Variants in PRLR observed in about 807,000 individuals in gnomAD.
The protein encoded by PRLR is hPRL receptor.
In PRLR, 13 loss-of-function variants were observed where a neutral mutation model predicts 40.2. That is an observed-to-expected ratio of 0.32 (90% CI 0.21 to 0.51). The LOEUF is 0.51. Among genes scored for constraint, PRLR ranks in the 20% least tolerant of loss-of-function variants. The probability of loss-of-function intolerance (pLI) is 0.97; values close to 1 mark genes in which losing one functional copy is unlikely to be tolerated. For missense variants in PRLR, 656 were observed against 747.3 expected (o/e 0.88, Z 1.42); for synonymous variants, 269 against 278.7 (o/e 0.97, Z 0.35).
At chr5:35,067,568 C>T (rs943821324) in intron 9 of PRLR, among the ~76,000 whole-genome samples, 5 of 152,220 alleles carry the variant, frequency 3.3e-5, no homozygotes, top group African/African-American at 7.2e-5. Context: ...CCTTAATGTA[C>T]AGCTAGTTGC....
intron 1 of PRLR, among the ~76,000 whole-genome samples, chr5:35,196,408 G>C (rs988581883): frequency 3.9e-5 from 6 of 152,332 alleles, no homozygotes; most frequent in Admixed American, 2.6e-4. Flanking sequence ...CTGTCAGCCT[G>C]CTCAGAATCT....
chr5:35,066,209 C>T (rs1769362490), intron 9 of PRLR, 107 bp from the exon 10 acceptor site: 1 of 1,122,074 alleles, frequency 8.9e-7, no homozygotes, highest in East Asian at 2.6e-5. Context: ...GTGGGAAGAT[C>T]TCAAACTTCA....
At chr5:35,218,092 G>C (rs1249992657) in intron 1 of PRLR, among the ~76,000 whole-genome samples, 1 of 152,102 alleles carries the variant, frequency 6.6e-6, no homozygotes, top group Non-Finnish European at 1.5e-5. Flanking sequence ...GCAAAGATTT[G>C]AAATAGCTTT....
intron 1 of PRLR, among the ~76,000 whole-genome samples, chr5:35,160,717 A>T (rs948528670): frequency 3.3e-5 from 5 of 152,226 alleles, no homozygotes; most frequent in African/African-American, 1.2e-4. Flanking sequence ...CACTTGTACC[A>T]GATGGCTTCA....
intron 1 of PRLR, among the ~76,000 whole-genome samples, chr5:35,229,563 T>C (rs1473451586): frequency 6.6e-6 from 1 of 152,134 alleles, no homozygotes; most frequent in Non-Finnish European, 1.5e-5. Flanking sequence ...TCCTCTTCCC[T>C]TCCCTCCTCC....
At chr5:35,111,725 A>G (rs1017429628) in intron 2 of PRLR, among the ~76,000 whole-genome samples, 1 of 152,248 alleles carries the variant, frequency 6.6e-6, no homozygotes, top group Admixed American at 6.5e-5. Flanking sequence ...TAAACCAATG[A>G]TATAGAAACA....
intron 1 of PRLR, among the ~76,000 whole-genome samples, chr5:35,171,796 G>A (rs945290878): frequency 6.6e-6 from 1 of 152,160 alleles, no homozygotes; most frequent in African/African-American, 2.4e-5. Context: ...CCCTCAAAAT[G>A]TCTTGCCTAG....
At chr5:35,117,210 C>T (rs1253417353) in intron 2 of PRLR, among the ~76,000 whole-genome samples, 1 of 152,164 alleles carries the variant, frequency 6.6e-6, no homozygotes, top group African/African-American at 2.4e-5. Context: ...GACACCAAAG[C>T]GGCATGATGG....
At chr5:35,146,673 G>A (rs1774189993) in intron 1 of PRLR, among the ~76,000 whole-genome samples, 1 of 152,212 alleles carries the variant, frequency 6.6e-6, no homozygotes, top group Non-Finnish European at 1.5e-5. Context: ...CTCTGCAGGA[G>A]AGGATGGAGG....
intron 5 of PRLR, among the ~76,000 whole-genome samples, chr5:35,078,831 C>T (rs1056677015): frequency 3.3e-5 from 5 of 152,200 alleles, no homozygotes; most frequent in African/African-American, 1.2e-4. Flanking sequence ...CAAACCGAAT[C>T]CAGCAGCAAA....
At chr5:35,084,753 C>A (rs961771432) in intron 4 of PRLR, 114 bp from the exon 5 acceptor site, 14 of 971,072 alleles carry the variant, frequency 1.4e-5, no homozygotes, top group Non-Finnish European at 1.5e-6. Context: ...AAGCGCAAAA[C>A]CCAGAGCTGA....
intron 1 of PRLR, among the ~76,000 whole-genome samples, chr5:35,219,581 G>T (rs1468334570): frequency 6.6e-6 from 1 of 152,178 alleles, no homozygotes; most frequent in Non-Finnish European, 1.5e-5. Flanking sequence ...CAGCAGGAAG[G>T]CCTTGGTAAA....
intron 2 of PRLR, among the ~76,000 whole-genome samples, chr5:35,101,627 CAT>C (rs1441179282): frequency 6.6e-6 from 1 of 151,886 alleles, no homozygotes; most frequent in Admixed American, 6.6e-5. Context: ...ACAATTAAAA[CAT>C]ATTTTTCTGG....
chr5:35,185,501 C>A (rs1277784532), intron 1 of PRLR, among the ~76,000 whole-genome samples: 1 of 151,934 alleles, frequency 6.6e-6, no homozygotes. Flanking sequence ...AAATTATGGG[C>A]CCAGGGTTTG....
At chr5:35,095,167 C>G (rs1771458471) in intron 2 of PRLR, among the ~76,000 whole-genome samples, 1 of 152,046 alleles carries the variant, frequency 6.6e-6, no homozygotes, top group African/African-American at 2.4e-5. Flanking sequence ...AATGCCAACA[C>G]TTAATCTGGA....
chr5:35,150,411 G>A (rs1174199415), intron 1 of PRLR, among the ~76,000 whole-genome samples: 1 of 152,146 alleles, frequency 6.6e-6, no homozygotes, highest in Non-Finnish European at 1.5e-5. Flanking sequence ...GAAAATAAGA[G>A]CCTTCTGCCT....
chr5:35,137,303 T>C (rs951290089), intron 1 of PRLR, among the ~76,000 whole-genome samples: 2 of 152,196 alleles, frequency 1.3e-5, no homozygotes, highest in African/African-American at 4.8e-5. Flanking sequence ...GTCTGAACTT[T>C]CTCCACTTTT....
At chr5:35,221,332 A>C (rs1372737821) in intron 1 of PRLR, among the ~76,000 whole-genome samples, 4 of 152,232 alleles carry the variant, frequency 2.6e-5, no homozygotes, top group Non-Finnish European at 4.4e-5. Context: ...TTTCAGTCTC[A>C]TAATTAATTA....
rs954843436 is a variant in PRLR at position 35,065,042 on chromosome 5, C to T, written c.*47G>A. 1.0e-5 allele frequency: 16 copies of T among 1,563,790 alleles called. No homozygotes were observed. Among genetic ancestry groups the T allele is most frequent in the African/African-American group, 8.1e-5 (6 of 73,794 alleles). ...GCATTTCACGTACTCTGTAGTGTTA[C>T]CTGAAGAAAAATCACATTTTAACCA... On this transcript the variant is annotated 3_prime_UTR_variant, in exon 10 of 10. Transcript: ENST00000618457.
Sources: gnomAD v4.1 joint callset for allele counts (sites outside exome capture counted in the v4.1 genomes callset) on GRCh38, gnomAD v4.1.1 for gene constraint, MANE v1.5 for transcripts, NCBI Gene and HGNC (gene_info 2026-07-23, HGNC 2026-07-21) for gene names.